ERBB4: variants seen among roughly 807,000 people sequenced by gnomAD.
ERBB4 encodes receptor tyrosine-protein kinase erbB-4.
ERBB4 carries 42 observed loss-of-function variants against 158.0 expected under a neutral mutation model. The ratio of observed to expected loss-of-function variants is 0.27; its 90% CI spans 0.21 to 0.34. The LOEUF (loss-of-function observed/expected upper bound fraction) is 0.34. ERBB4 is among the 10% of genes least tolerant of loss of function. The probability of loss-of-function intolerance (pLI) is 1.00; values close to 1 mark genes in which losing one functional copy is unlikely to be tolerated. For synonymous variants in ERBB4, 583 were observed against 558.7 expected, an observed-to-expected ratio of 1.04 and a Z score of -0.61; for missense variants, 1,333 against 1,624.1, an observed-to-expected ratio of 0.82 and a Z score of 3.08.
chr2:212,362,880 T>A (rs935356954), intron 1 of ERBB4, among the ~76,000 whole-genome samples: 1 of 151,364 alleles, frequency 6.6e-6, no homozygotes, highest in African/African-American at 2.4e-5. Flanking sequence ...AATTTAAAGG[T>A]GATAGGCAGT....
At chr2:211,767,864 C>G (rs2075591203) in intron 4 of ERBB4, among the ~76,000 whole-genome samples, 1 of 152,142 alleles carries the variant, frequency 6.6e-6, no homozygotes, top group South Asian at 2.1e-4. Flanking sequence ...CCTGGCCTCT[C>G]TTAAGTCTCA....
chr2:212,216,717 T>C (rs1204729470), intron 1 of ERBB4, among the ~76,000 whole-genome samples: 1 of 151,340 alleles, frequency 6.6e-6, no homozygotes, highest in African/African-American at 2.4e-5. Flanking sequence ...TCTACTATAA[T>C]TGTTCTCACT....
At chr2:211,416,318 G>A (rs1362913179) in intron 25 of ERBB4, among the ~76,000 whole-genome samples, 1 of 151,806 alleles carries the variant, frequency 6.6e-6, no homozygotes, top group African/African-American at 2.4e-5. Context: ...CTTAGCCATT[G>A]TAACAAAAAA....
chr2:212,232,876 T>C (rs1211596451), intron 1 of ERBB4, among the ~76,000 whole-genome samples: 1 of 151,894 alleles, frequency 6.6e-6, no homozygotes, highest in East Asian at 1.9e-4. Flanking sequence ...GAAGTATCAT[T>C]TGTCCCTTGC....
At chr2:211,440,329 A>G (rs1322372602) in intron 20 of ERBB4, among the ~76,000 whole-genome samples, 1 of 152,142 alleles carries the variant, frequency 6.6e-6, no homozygotes, top group Non-Finnish European at 1.5e-5. Flanking sequence ...GAGAATGGAG[A>G]TGTCTGTGGG....
In ERBB4 at chr2:211,705,305, T is replaced by C. The variant is rs2073397870; in HGVS notation, c.1198+13A>G. Reference sequence around the variant, plus strand: ...ATTGTTCATAGCGCAACAGTTGCAGTTTAAAAAATTACCTGTTATCTCTCT... The same window carrying C: ...ATTGTTCATAGCGCAACAGTTGCAGCTTAAAAAATTACCTGTTATCTCTCT... On this transcript the variant is annotated intron_variant, in intron 10 of 27. Transcript: ENST00000342788. 1 of 1,577,826 alleles carries C rather than the reference T, an allele frequency of 6.3e-7. No homozygotes were observed. Among genetic ancestry groups the C allele is most frequent in the African/African-American group, 1.4e-5 (1 of 73,786 alleles).
chr2:212,363,073 C>T (rs575225022), intron 1 of ERBB4, among the ~76,000 whole-genome samples: 5 of 151,362 alleles, frequency 3.3e-5, no homozygotes, highest in East Asian at 1.9e-4. Flanking sequence ...ATATATCCCA[C>T]TATAATATCA....
intron 2 of ERBB4, among the ~76,000 whole-genome samples, chr2:212,108,070 A>G (rs2079285664): frequency 1.3e-5 from 2 of 152,202 alleles, no homozygotes; most frequent in African/African-American, 4.8e-5. Context: ...AAATAAATAT[A>G]TACCAGATTA....
intron 3 of ERBB4, among the ~76,000 whole-genome samples, chr2:211,810,539 G>T (rs1438049699): frequency 6.7e-6 from 1 of 149,752 alleles, no homozygotes; most frequent in East Asian, 2.1e-4. Context: ...CTTTCCATTT[G>T]CTTGGTAGAT....
chr2:212,084,670 A>G (rs1289043679), intron 2 of ERBB4, among the ~76,000 whole-genome samples: 6 of 152,016 alleles, frequency 3.9e-5, no homozygotes, highest in Admixed American at 2.6e-4. Context: ...TGTCACTTAC[A>G]CAAGACATAT....
At chr2:212,280,913 G>A (rs1378225462) in intron 1 of ERBB4, among the ~76,000 whole-genome samples, 3 of 151,628 alleles carry the variant, frequency 2.0e-5, no homozygotes, top group Non-Finnish European at 4.4e-5. Flanking sequence ...CTCATGATCA[G>A]AAGAACCAGA....
chr2:211,746,476 T>A (rs2074976090), intron 5 of ERBB4, among the ~76,000 whole-genome samples: 1 of 152,066 alleles, frequency 6.6e-6, no homozygotes, highest in African/African-American at 2.4e-5. Context: ...ACATGAATTA[T>A]AACTTGATGA....
intron 15 of ERBB4, among the ~76,000 whole-genome samples, chr2:211,658,653 A>G (rs2071309274): frequency 6.6e-6 from 1 of 152,218 alleles, no homozygotes; most frequent in African/African-American, 2.4e-5. Context: ...TAGCAATGCC[A>G]TAACAGGTAA....
intron 1 of ERBB4, among the ~76,000 whole-genome samples, chr2:212,402,249 A>T (rs1325647961): frequency 6.6e-6 from 1 of 152,160 alleles, no homozygotes; most frequent in African/African-American, 2.4e-5. Flanking sequence ...AGTGAAAAAA[A>T]GTCAATCTCA....
At chr2:212,442,388 T>C (rs1282578741) in intron 1 of ERBB4, among the ~76,000 whole-genome samples, 1 of 152,148 alleles carries the variant, frequency 6.6e-6, no homozygotes, top group Non-Finnish European at 1.5e-5. Flanking sequence ...ACTGACAATT[T>C]ATGCAGTGCA....
chr2:212,533,556 G>A (rs569427177), intron 1 of ERBB4, among the ~76,000 whole-genome samples: 1 of 152,258 alleles, frequency 6.6e-6, no homozygotes, highest in South Asian at 2.1e-4. Context: ...TTATGTTGAA[G>A]ACATACAGTT....
chr2:211,813,086 T>C (rs886592628), intron 3 of ERBB4, among the ~76,000 whole-genome samples: 4 of 152,192 alleles, frequency 2.6e-5, no homozygotes, highest in Admixed American at 6.5e-5. Context: ...ATGAACCAGG[T>C]ACCTCAGTTG....
At chr2:211,756,757 T>C (rs950282216) in intron 4 of ERBB4, among the ~76,000 whole-genome samples, 1 of 152,186 alleles carries the variant, frequency 6.6e-6, no homozygotes, top group East Asian at 1.9e-4. Flanking sequence ...CAAAAGTATA[T>C]ATAAGATAAT....
chr2:211,976,127 T>C (rs1232478386), intron 2 of ERBB4, among the ~76,000 whole-genome samples: 1 of 152,194 alleles, frequency 6.6e-6, no homozygotes, highest in Non-Finnish European at 1.5e-5. Flanking sequence ...ATGGGAGGTT[T>C]ACACATTTAC....
Sources: gnomAD v4.1 joint callset for allele counts (sites outside exome capture counted in the v4.1 genomes callset) on GRCh38, gnomAD v4.1.1 for gene constraint, MANE v1.5 for transcripts, NCBI Gene and HGNC (gene_info 2026-07-23, HGNC 2026-07-21) for gene names.